The following PCYT1B variants were observed in gnomAD, a reference collection of about 807,000 sequenced individuals.
The protein encoded by PCYT1B is choline-phosphate cytidylyltransferase B.
PCYT1B carries 10 observed loss-of-function variants against 26.4 expected under a neutral mutation model. That is an observed-to-expected ratio of 0.38 (90% CI 0.23 to 0.64). The LOEUF (loss-of-function observed/expected upper bound fraction) is 0.64, where lower values mean the gene tolerates loss of function less well. Among genes scored for constraint, PCYT1B ranks in the 30% least tolerant of loss-of-function variants. The probability of loss-of-function intolerance (pLI) is 0.56; values close to 1 mark genes in which losing one functional copy is unlikely to be tolerated. For missense variants in PCYT1B, 161 were observed against 292.7 expected (o/e 0.55, Z 3.28); for synonymous variants, 131 against 108.4 (o/e 1.21, Z -1.29).
intron 1 of PCYT1B, among the ~76,000 whole-genome samples, chrX:24,653,521 T>C (rs1321324736): frequency 8.9e-5 from 10 of 111,863 alleles, no homozygotes; most frequent in Non-Finnish European, 1.7e-4. Flanking sequence ...AACTCTGAAC[T>C]GCATGTTCTA....
intron 1 of PCYT1B, among the ~76,000 whole-genome samples, chrX:24,661,405 A>C (rs1927027089): frequency 8.9e-6 from 1 of 112,207 alleles, no homozygotes; most frequent in African/African-American, 3.2e-5. Flanking sequence ...ATAACCCCTA[A>C]GGAAAGATTG....
At chrX:24,581,893 G>C (rs1048323285) in intron 5 of PCYT1B, among the ~76,000 whole-genome samples, 2 of 112,718 alleles carry the variant, frequency 1.8e-5, no homozygotes, top group Non-Finnish European at 3.7e-5. Context: ...CAGTAGCAGA[G>C]TGGCACTGCT....
intron 7 of PCYT1B, among the ~76,000 whole-genome samples, chrX:24,572,991 AAC>A (rs1923887527): frequency 9.4e-6 from 1 of 106,272 alleles, no homozygotes; most frequent in South Asian, 4.1e-4. Context: ...CATATATACA[AAC>A]ACACACATAT....
intron 3 of PCYT1B, among the ~76,000 whole-genome samples, chrX:24,606,861 G>A (rs1019640800): frequency 2.5e-5 from 2 of 79,568 alleles, no homozygotes; most frequent in African/African-American, 3.9e-5. Flanking sequence ...GTGAGATTCC[G>A]TCTCAAACAA....
At chrX:24,654,749 CAA>C (rs574317952) in intron 1 of PCYT1B, among the ~76,000 whole-genome samples, 401 of 39,984 alleles carry the variant, frequency 0.01, 2 homozygotes, top group African/African-American at 0.042. Flanking sequence ...GACCCTGTCT[CAA>C]AAAAAAAAAA....
chrX:24,629,109 A>C (rs1925968188), intron 1 of PCYT1B, among the ~76,000 whole-genome samples: 1 of 112,149 alleles, frequency 8.9e-6, no homozygotes, highest in Non-Finnish European at 1.9e-5. Context: ...TTTTGATTAC[A>C]AAAAGATTGA....
chrX:24,579,529 TC>T, intron 5 of PCYT1B, 71 bp from the exon 6 acceptor site: 1 of 1,037,773 alleles, frequency 9.6e-7, no homozygotes, highest in Non-Finnish European at 1.3e-6. Context: ...CCTTTAATGG[TC>T]CCCCTTTACA....
At chrX:24,667,494 T>C (rs1602217445) in intron 1 of PCYT1B, among the ~76,000 whole-genome samples, 1 of 110,839 alleles carries the variant, frequency 9.0e-6, no homozygotes, top group Non-Finnish European at 1.9e-5. Flanking sequence ...AGGCGGGCAG[T>C]TCACTTGAGG....
At chrX:24,634,026 C>T (rs1350358868) in intron 1 of PCYT1B, among the ~76,000 whole-genome samples, 4 of 111,041 alleles carry the variant, frequency 3.6e-5, no homozygotes, top group Non-Finnish European at 7.5e-5. Flanking sequence ...TAAGTACAAG[C>T]GATCCTCTTG....
At chrX:24,631,769 C>T (rs1926101350) in intron 1 of PCYT1B, among the ~76,000 whole-genome samples, 1 of 111,906 alleles carries the variant, frequency 8.9e-6, no homozygotes, top group African/African-American at 3.2e-5. Context: ...AGTTTGAGGC[C>T]AGCCTGGCCA....
intron 3 of PCYT1B, among the ~76,000 whole-genome samples, chrX:24,601,017 A>T (rs1386747279): frequency 1.8e-5 from 2 of 112,265 alleles, no homozygotes; most frequent in Non-Finnish European, 3.8e-5. Context: ...TAAATGTAAA[A>T]TGCCAAACTA....
chrX:24,563,907 C>T (rs944946149), intron 7 of PCYT1B, among the ~76,000 whole-genome samples: 2 of 111,518 alleles, frequency 1.8e-5, no homozygotes, highest in Admixed American at 9.5e-5. Context: ...CAAGGCCAGG[C>T]GCGGTGGCTT....
At chrX:24,660,052 G>A (rs1926996857) in intron 1 of PCYT1B, among the ~76,000 whole-genome samples, 1 of 111,537 alleles carries the variant, frequency 9.0e-6, no homozygotes. Flanking sequence ...CAAAAACACT[G>A]AGGGCTGATT....
At chrX:24,605,653 G>A (rs1925102424) in intron 3 of PCYT1B, among the ~76,000 whole-genome samples, 1 of 111,868 alleles carries the variant, frequency 8.9e-6, no homozygotes, top group African/African-American at 3.2e-5. Context: ...GGCCGGGAGC[G>A]GTGGCTCACG....
chrX:24,587,438 T>G, intron 4 of PCYT1B, 119 bp from the exon 5 acceptor site: 1 of 486,184 alleles, frequency 2.1e-6, no homozygotes, highest in East Asian at 3.6e-5. Flanking sequence ...GTATGTTACA[T>G]TTATAGTGGA....
At chrX:24,590,276 G>A (rs1924515908) in intron 3 of PCYT1B, 102 bp from the exon 4 acceptor site, 2 of 656,646 alleles carry the variant, frequency 3.0e-6, no homozygotes, top group East Asian at 7.0e-5. Context: ...AAGAAGCACA[G>A]CCTCGCTAGG....
At chrX:24,616,222 C>T (rs1312827134) in intron 2 of PCYT1B, among the ~76,000 whole-genome samples, 1 of 99,827 alleles carries the variant, frequency 1.0e-5, no homozygotes, top group Non-Finnish European at 2.0e-5. Context: ...TTCATAACCA[C>T]CTGGACTTTT....
intron 1 of PCYT1B, among the ~76,000 whole-genome samples, chrX:24,657,187 T>C (rs536245724): frequency 1.8e-5 from 2 of 112,016 alleles, no homozygotes; most frequent in East Asian, 5.6e-4. Flanking sequence ...CGTTTACAAG[T>C]AATAATCACA....
upstream of PCYT1B, among the ~76,000 whole-genome samples, chrX:24,651,466 AAAAAAAATAT>A (rs1472663491): frequency 3.5e-5 from 1 of 28,643 alleles, no homozygotes; most frequent in African/African-American, 1.2e-4. Context: ...AAAAAAAAAA[AAAAAAAATAT>A]ATATATATAT....
Sources: gnomAD v4.1 joint callset for allele counts (sites outside exome capture counted in the v4.1 genomes callset) on GRCh38, gnomAD v4.1.1 for gene constraint, MANE v1.5 for transcripts, NCBI Gene and HGNC (gene_info 2026-07-23, HGNC 2026-07-21) for gene names.